The following MYO16 variants were observed in gnomAD, a reference collection of about 807,000 sequenced individuals.
MYO16 encodes unconventional myosin-XVI.
Under a neutral mutation model 205.3 loss-of-function variants are expected in MYO16, and 94 were observed. That is an observed-to-expected ratio of 0.46 (90% CI 0.39 to 0.54). The LOEUF (loss-of-function observed/expected upper bound fraction) is 0.54, where lower values mean the gene tolerates loss of function less well. Among genes scored for constraint, MYO16 ranks in the 20% least tolerant of loss-of-function variants. The pLI is 0.00. For synonymous variants in MYO16, 988 were observed against 954.0 expected, an observed-to-expected ratio of 1.04 and a Z score of -0.66; for missense variants, 2,315 against 2,387.5, an observed-to-expected ratio of 0.97 and a Z score of 0.63.
At chr13:108,542,197 C>T in the MYO16 span, among the ~76,000 whole-genome samples, 1,946 of 152,156 alleles carry the variant, frequency 0.013, 23 homozygotes, top group Non-Finnish European at 0.022. Flanking sequence ...AGGCCATCAT[C>T]CTTAACAAAC....
chr13:109,074,440 C>T (rs987248796), intron 27 of MYO16, among the ~76,000 whole-genome samples: 12 of 152,100 alleles, frequency 7.9e-5, no homozygotes, highest in African/African-American at 1.7e-4. Context: ...CTTACAGTCA[C>T]GGTAGAAGGC....
At chr13:108,867,505 G>C (rs1878781089) in intron 12 of MYO16, among the ~76,000 whole-genome samples, 1 of 152,174 alleles carries the variant, frequency 6.6e-6, no homozygotes, top group Non-Finnish European at 1.5e-5. Context: ...GGGTGTGTGT[G>C]AGCATGAGAC....
At position 109,201,306 on chromosome 13, in the gene MYO16, C is replaced by T. The variant is rs146879982; in HGVS notation, c.5416-5303C>T. ...CTGCTAGAACCTTAAGACCTCGAAA[C>T]TCTACTTAATCCCAATAACAAGGTT... On this transcript the variant is annotated intron_variant, in intron 34 of 34. Coordinates refer to ENST00000457511, the MANE Select transcript of MYO16 (RefSeq NM_001198950.3). 1.4e-3 allele frequency: 217 copies of T among 152,182 alleles called. 1 individual carries two copies. The highest frequency in any genetic ancestry group is 5.0e-3 in the African/African-American group (208 of 41,526). The allele number at this position is 152,182 out of a possible 1,614,324, so 9.4% of individuals were successfully genotyped here.
intron 32 of MYO16, among the ~76,000 whole-genome samples, chr13:109,154,911 G>GAAAAAAAAAAAAAAAAAAAAAA (rs59465499): frequency 3.2e-5 from 2 of 62,666 alleles, no homozygotes; most frequent in Non-Finnish European, 5.9e-5. Flanking sequence ...GGCTAATTAT[G>GAAAAAAAAAAAAAAAAAAAAAA]AAAAAAAAAA....
At chr13:108,676,368 T>G (rs1882203338) in intron 2 of MYO16, among the ~76,000 whole-genome samples, 2 of 116,300 alleles carry the variant, frequency 1.7e-5, no homozygotes, top group African/African-American at 6.8e-5. Context: ...TGATTATATG[T>G]ACGCGTGTGT....
At chr13:108,782,311 G>A (rs1314724438) in intron 4 of MYO16, among the ~76,000 whole-genome samples, 4 of 152,182 alleles carry the variant, frequency 2.6e-5, no homozygotes, top group African/African-American at 4.8e-5. Flanking sequence ...GAGACTGGTG[G>A]CATTTTGCCC....
At chr13:108,618,368 G>A (rs1879422351) in intron 1 of MYO16, among the ~76,000 whole-genome samples, 1 of 152,172 alleles carries the variant, frequency 6.6e-6, no homozygotes, top group South Asian at 2.1e-4. Flanking sequence ...CCCAGCAGGA[G>A]ACACCTCCTG....
chr13:108,497,640 G>T, the MYO16 span, among the ~76,000 whole-genome samples: 1 of 152,278 alleles, frequency 6.6e-6, no homozygotes, highest in South Asian at 2.1e-4. Flanking sequence ...TATGAGAATT[G>T]GGAGGGGAAA....
chr13:109,079,551 G>A (rs536431652), intron 27 of MYO16, among the ~76,000 whole-genome samples: 130 of 152,188 alleles, frequency 8.5e-4, no homozygotes, highest in African/African-American at 2.7e-3. Flanking sequence ...GCTTATAAGC[G>A]GAAGCTAAAC....
At chr13:108,860,045 G>A (rs1213872103) in intron 11 of MYO16, among the ~76,000 whole-genome samples, 1 of 151,680 alleles carries the variant, frequency 6.6e-6, no homozygotes, top group East Asian at 1.9e-4. Context: ...GGTTTGGGTT[G>A]TAAAGGTTTG....
At chr13:108,853,045 A>C (rs1018266748) in intron 10 of MYO16, among the ~76,000 whole-genome samples, 4 of 152,186 alleles carry the variant, frequency 2.6e-5, no homozygotes, top group Non-Finnish European at 2.9e-5. Flanking sequence ...TATTGACCTG[A>C]ATTTGTGTGA....
chr13:108,734,531 A>G (rs1335900364), intron 4 of MYO16, among the ~76,000 whole-genome samples: 1 of 152,160 alleles, frequency 6.6e-6, no homozygotes, highest in African/African-American at 2.4e-5. Flanking sequence ...CTAGTAGGCA[A>G]CAAAATCCAT....
the MYO16 span, among the ~76,000 whole-genome samples, chr13:108,537,859 T>G: frequency 6.6e-6 from 1 of 152,096 alleles, no homozygotes; most frequent in Non-Finnish European, 1.5e-5. Context: ...GGATTATTTA[T>G]TTATTTATTT....
In MYO16 at chr13:109,127,342, C is replaced by G; in HGVS notation, c.3843C>G (p.Ala1281=). The stretch of plus-strand genomic sequence containing the variant: ...CCAGCTCCATGTCAGTCTGCGCGGC[C>G]GTGGATGGCCTGGGCCAGTGCCTCG... ...FHPSSMSVCA[A]VDGLGQCLVG... Residue 1281 remains alanine (A), a synonymous_variant, in exon 31 of 35, where the codon GCC becomes GCG. Transcript: ENST00000457511. The surrounding 1 kb of genome is among the most constrained non-coding windows in gnomAD (Gnocchi z 4.2). The G allele has an allele frequency of 1.2e-6, 2 of 1,612,520 alleles. No individual in the cohort carries two copies. Among genetic ancestry groups the G allele is most frequent in the Non-Finnish European group, 1.7e-6 (2 of 1,178,842 alleles).
At chr13:108,626,660 T>G (rs188575832), upstream of MYO16, among the ~76,000 whole-genome samples, 773 of 151,684 alleles carry the variant, frequency 5.1e-3, 4 homozygotes, top group Admixed American at 0.011. Flanking sequence ...AAAAATTAGC[T>G]GGGCATGGTA....
intron 4 of MYO16, among the ~76,000 whole-genome samples, chr13:108,765,556 A>G (rs1023850056): frequency 2.0e-5 from 3 of 152,162 alleles, no homozygotes; most frequent in Admixed American, 1.3e-4. Context: ...TTTACACTAA[A>G]TAATTATGCT....
intron 3 of MYO16, among the ~76,000 whole-genome samples, chr13:108,715,258 C>G (rs1363243371): frequency 6.6e-6 from 1 of 152,200 alleles, no homozygotes; most frequent in East Asian, 1.9e-4. Context: ...CTCAGATGTA[C>G]ACGGCTCGCT....
chr13:109,010,661 T>C (rs571531755), intron 22 of MYO16, among the ~76,000 whole-genome samples: 84 of 152,218 alleles, frequency 5.5e-4, no homozygotes, highest in Non-Finnish European at 7.8e-4. Context: ...GCAGACAACC[T>C]TGCAATGGCT....
chr13:108,775,850 A>G (rs1886107339), intron 4 of MYO16, among the ~76,000 whole-genome samples: 2 of 152,226 alleles, frequency 1.3e-5, no homozygotes. Flanking sequence ...GTGTTTGCAC[A>G]TGTGCGAGGG....
Sources: gnomAD v4.1 joint callset for allele counts (sites outside exome capture counted in the v4.1 genomes callset) on GRCh38, gnomAD v4.1.1 for gene constraint, Gnocchi (gnomAD v3.1) non-coding constraint, MANE v1.5 for transcripts, NCBI Gene and HGNC (gene_info 2026-07-23, HGNC 2026-07-21) for gene names.